Variants in CMKLR1 observed in about 807,000 individuals in gnomAD.
CMKLR1 encodes chemerin-like receptor 1.
In CMKLR1, 6 loss-of-function variants were observed where a neutral mutation model predicts 8.2. That is an observed-to-expected ratio of 0.73 (90% confidence interval 0.40 to 1.44). CMKLR1 has a LOEUF of 1.44. CMKLR1 is among the 40% of genes most tolerant of loss of function. The pLI is 0.02. For missense variants in CMKLR1, 429 were observed against 478.0 expected, an observed-to-expected ratio of 0.90 and a Z score of 0.96; for synonymous variants, 178 against 181.2, an observed-to-expected ratio of 0.98 and a Z score of 0.14.
At chr12:108,309,509 TGGGTG>T (rs1891495804) in intron 2 of CMKLR1, among the ~76,000 whole-genome samples, 1 of 149,430 alleles carries the variant, frequency 6.7e-6, no homozygotes, top group African/African-American at 2.5e-5. Context: ...CACTCCAACC[TGGGTG>T]ACAGGGTGAG....
chr12:108,301,080 T>C (rs1350502070), intron 2 of CMKLR1, among the ~76,000 whole-genome samples: 2 of 146,940 alleles, frequency 1.4e-5, no homozygotes, highest in Non-Finnish European at 3.0e-5. Flanking sequence ...TCTTTTTTTT[T>C]TTTTTTTTTT....
intron 2 of CMKLR1, among the ~76,000 whole-genome samples, chr12:108,312,486 T>C (rs1891611471): frequency 6.6e-6 from 1 of 152,126 alleles, no homozygotes; most frequent in South Asian, 2.1e-4. Flanking sequence ...GAACCAAAAC[T>C]GAGAGTCTGG....
At chr12:108,326,785 C>T (rs747285894) in intron 2 of CMKLR1, among the ~76,000 whole-genome samples, 4 of 152,158 alleles carry the variant, frequency 2.6e-5, no homozygotes, top group Non-Finnish European at 4.4e-5. Context: ...AGAATTCAAT[C>T]GCATTTCAGA....
chr12:108,336,562 A>G (rs1333508699), intron 1 of CMKLR1, among the ~76,000 whole-genome samples: 1 of 152,104 alleles, frequency 6.6e-6, no homozygotes, highest in South Asian at 2.1e-4. Flanking sequence ...AAAAAAAAAA[A>G]AGAAACACTC....
At chr12:108,319,617 A>G (rs763802993) in intron 2 of CMKLR1, among the ~76,000 whole-genome samples, 19 of 152,248 alleles carry the variant, frequency 1.2e-4, no homozygotes, top group Admixed American at 3.9e-4. Flanking sequence ...GTATTAGGAT[A>G]TAAGAGAAGG....
chr12:108,305,756 T>C (rs950884527), intron 2 of CMKLR1, among the ~76,000 whole-genome samples: 4 of 152,188 alleles, frequency 2.6e-5, no homozygotes, highest in African/African-American at 9.7e-5. Flanking sequence ...CGCCCACATG[T>C]GGGAGCTCGC....
chr12:108,326,759 C>T (rs567814843), intron 2 of CMKLR1, among the ~76,000 whole-genome samples: 14 of 152,240 alleles, frequency 9.2e-5, no homozygotes, highest in Non-Finnish European at 1.6e-4. Flanking sequence ...GGGGCTAGAG[C>T]GGAGGAGGTG....
rs754946817 is a variant in CMKLR1, at chr12:108,292,910, T to C, written c.53A>G (p.Tyr18Cys). 3.1e-6 allele frequency: 5 copies of C among 1,613,600 alleles called. No homozygotes were observed. The highest frequency in any genetic ancestry group is 1.7e-5 in the Admixed American group (1 of 59,998). The change falls in exon 4 of 4, where the codon TAC becomes TGC. Residue 18 changes from tyrosine (Y) to cysteine (C), a missense_variant. By Grantham distance (194) the Tyr-to-Cys change is radical. Transcript: ENST00000550402. ...YNTSISYGDE[Y>C]PDYLDSIVVL... ...CACAATGGAGTCTAAATAATCAGGG[T>C]ATTCATCACCGTAACTGATGGAAGT... is the stretch of plus-strand genomic sequence containing the variant.
rs2137292230 is a variant in CMKLR1 at position 108,292,742 on chromosome 12, T to C, written c.221A>G (p.Asn74Ser). 2 of 1,614,164 alleles carry C rather than the reference T, an allele frequency of 1.2e-6. No individual in the cohort carries two copies. Among genetic ancestry groups the C allele is most frequent in the South Asian group, 2.2e-5 (2 of 91,086 alleles). Residue 74 changes from asparagine to serine, a missense_variant, in exon 4 of 4, where the codon AAC (asparagine) becomes AGC (serine). Asn to Ser is a conservative substitution (Grantham distance 46). Transcript: ENST00000550402. ...TGCCAGGTTGAGGAACCAGACCATG[T>C]TCACTGTCTTCTTCATCTTGAAGGT... Reference protein sequence around the residue: ...IATFKMKKTVNMVWFLNLAVA... With the variant: ...IATFKMKKTVSMVWFLNLAVA...
At chr12:108,318,855 A>G (rs1891793322) in intron 2 of CMKLR1, among the ~76,000 whole-genome samples, 1 of 152,226 alleles carries the variant, frequency 6.6e-6, no homozygotes, top group Non-Finnish European at 1.5e-5. Context: ...TTTAAAATAA[A>G]ATAGTGATCA....
intron 2 of CMKLR1, among the ~76,000 whole-genome samples, chr12:108,306,965 G>T (rs1405492771): frequency 6.6e-6 from 1 of 152,090 alleles, no homozygotes; most frequent in Non-Finnish European, 1.5e-5. Flanking sequence ...CCAATAATGG[G>T]TCCCGTACAC....
rs7978941 is a variant in CMKLR1 at position 108,297,771 on chromosome 12, G to A, written c.-73-4107C>T. Among the ~76,000 whole-genome samples the A allele has an allele frequency of 4.4e-3, 664 of 152,274 alleles. 8 individuals carry two copies. Among genetic ancestry groups the A allele is most frequent in the African/African-American group, 0.016 (646 of 41,546 alleles). ...TCTCATCCCAACCACTCTGACCTCC[G>A]TAAGCCTCAACCTTCAATCCTGATA... On this transcript the variant is annotated intron_variant, in intron 2 of 3. Transcript: ENST00000550402.
chr12:108,321,439 AT>A (rs1438092033), intron 2 of CMKLR1, among the ~76,000 whole-genome samples: 16 of 152,046 alleles, frequency 1.1e-4, no homozygotes, highest in East Asian at 5.8e-4. Flanking sequence ...CTCCAAAAAA[AT>A]AATAATAAAT....
At chr12:108,298,900 G>A (rs927187463) in intron 2 of CMKLR1, among the ~76,000 whole-genome samples, 13 of 152,206 alleles carry the variant, frequency 8.5e-5, no homozygotes, top group South Asian at 2.1e-4. Flanking sequence ...TCCCTGGGAC[G>A]GTCCCAGGAG....
rs544745684 is a variant in CMKLR1 at position 108,301,477 on chromosome 12, C to T, written c.-73-7813G>A. 3.3e-5 allele frequency among the ~76,000 whole-genome samples: 5 copies of T among 152,262 alleles called. No homozygotes were observed. In the East Asian group the frequency reaches 7.7e-4, roughly 23 times the overall value. ...GCAGACCATGTCTTACCTGAAAATG[C>T]CACCCAGGCCACCCACACAAAAAAG... On this transcript the variant is annotated intron_variant, in intron 2 of 3. Coordinates refer to ENST00000550402, the MANE Select transcript of CMKLR1 (RefSeq NM_001142343.2).
At chr12:108,294,894 A>G (rs970400257) in intron 2 of CMKLR1, among the ~76,000 whole-genome samples, 82 of 152,348 alleles carry the variant, frequency 5.4e-4, no homozygotes, top group African/African-American at 1.8e-3. Flanking sequence ...GCTTAAGGTT[A>G]TATTTTATTA....
intron 2 of CMKLR1, among the ~76,000 whole-genome samples, chr12:108,319,388 A>G (rs906676406): frequency 6.6e-6 from 1 of 152,212 alleles, no homozygotes; most frequent in African/African-American, 2.4e-5. Flanking sequence ...AAAATGGAGG[A>G]GCTAGGACTT....
chr12:108,289,448 G>T lies in CMKLR1; in HGVS notation c.*2393C>A, dbSNP rs969455774. 3 of 152,316 alleles carry T rather than the reference G, an allele frequency of 2.0e-5. No individual in the cohort carries two copies. The highest frequency in any genetic ancestry group is 4.4e-5 in the Non-Finnish European group (3 of 68,098). The allele number at this position is 152,316 out of a possible 1,614,324, so 9.4% of individuals were successfully genotyped here. The stretch of plus-strand genomic sequence containing the variant: ...GACCCACAGAGCAGCCAGAAAGAGG[G>T]AGGCCAGACTCTAAGGAGGAAAACA... On this transcript the variant is annotated 3_prime_UTR_variant, in exon 4 of 4. Coordinates refer to ENST00000550402, the MANE Select transcript of CMKLR1 (RefSeq NM_001142343.2).
intron 2 of CMKLR1, among the ~76,000 whole-genome samples, chr12:108,311,999 T>C (rs1012497310): frequency 1.3e-5 from 2 of 152,180 alleles, no homozygotes; most frequent in Non-Finnish European, 2.9e-5. Context: ...ATCCCCTTGC[T>C]TCTCCCAGCC....
Sources: gnomAD v4.1 joint callset for allele counts (sites outside exome capture counted in the v4.1 genomes callset) on GRCh38, gnomAD v4.1.1 for gene constraint, MANE v1.5 for transcripts, NCBI Gene and HGNC (gene_info 2026-07-23, HGNC 2026-07-21) for gene names.